Variants in JAKMIP1 observed in about 807,000 individuals in gnomAD.
The protein encoded by JAKMIP1 is janus kinase and microtubule-interacting protein 1.
A neutral mutation model predicts 113.0 loss-of-function variants in JAKMIP1; 33 were observed. The ratio of observed to expected loss-of-function variants is 0.29; its 90% CI spans 0.22 to 0.39. The LOEUF (loss-of-function observed/expected upper bound fraction) is 0.39. Among genes scored for constraint, JAKMIP1 ranks in the 10% least tolerant of loss-of-function variants. The pLI, the probability that JAKMIP1 is intolerant of heterozygous loss-of-function variation, is 1.00. For synonymous variants in JAKMIP1, 480 were observed against 459.9 expected (o/e 1.04, Z -0.56); for missense variants, 813 against 1,080.5 (o/e 0.75, Z 3.47).
intron 1 of JAKMIP1, among the ~76,000 whole-genome samples, chr4:6,126,031 C>A (rs1007926260): frequency 6.9e-6 from 1 of 144,908 alleles, no homozygotes; most frequent in Non-Finnish European, 1.5e-5. Flanking sequence ...ACACACCATG[C>A]AGAAACACAC....
At chr4:6,131,162 C>CAAAAAAAA (rs1269297167) in intron 1 of JAKMIP1, among the ~76,000 whole-genome samples, 2 of 18,100 alleles carry the variant, frequency 1.1e-4, no homozygotes, top group African/African-American at 4.6e-4. Flanking sequence ...ACCTTGCCTC[C>CAAAAAAAA]AAAAAAAAAA....
chr4:6,033,352 C>G (rs552733801), intron 19 of JAKMIP1, among the ~76,000 whole-genome samples: 1 of 152,226 alleles, frequency 6.6e-6, no homozygotes, highest in South Asian at 2.1e-4. Flanking sequence ...GCCAGAGCAC[C>G]TGGTTGTGTT....
Position 6,154,623 on chromosome 4 carries a change from A to G in JAKMIP1, c.-147-41626T>C, listed in dbSNP as rs1722011815. On this transcript the variant is annotated intron_variant, in intron 1 of 20. Transcript: ENST00000409021. The surrounding 1 kb of genome is among the most constrained non-coding windows in gnomAD (Gnocchi z 4.2). ...AGGCTTCCAAGAGCCCAACACGCACAGCCCACTGCACGCAGGGACTGTGCC... is the reference window on the plus strand; with the variant it reads ...AGGCTTCCAAGAGCCCAACACGCACGGCCCACTGCACGCAGGGACTGTGCC... 6.6e-6 allele frequency among the ~76,000 whole-genome samples: 1 copy of G among 151,962 alleles called. No individual in the cohort carries two copies. The highest frequency in any genetic ancestry group is 6.6e-5 in the Admixed American group (1 of 15,254).
At chr4:6,170,519 C>T (rs1223769276) in intron 1 of JAKMIP1, among the ~76,000 whole-genome samples, 1 of 150,086 alleles carries the variant, frequency 6.7e-6, no homozygotes, top group Non-Finnish European at 1.5e-5. Context: ...ACCACCATCA[C>T]CACCATTATC....
Position 6,064,797 on chromosome 4 carries a change from G to A in JAKMIP1, c.1431+83C>T, listed in dbSNP as rs140335462. 2.0e-4 allele frequency: 315 copies of A among 1,580,294 alleles called. No homozygotes were observed. In the African/African-American group the frequency reaches 3.4e-3, roughly 17 times the overall value. ...GGTTCAGAACTATAGGCAAGGGAGC[G>A]AAACTTGCAACTATCAAAAGCAGGA... On this transcript the variant is annotated intron_variant, in intron 9 of 20. Coordinates refer to ENST00000409021, the MANE Select transcript of JAKMIP1 (RefSeq NM_001099433.2). The surrounding 1 kb of genome is among the most constrained non-coding windows in gnomAD (Gnocchi z 4.3).
chr4:6,127,748 C>T (rs112297698), intron 1 of JAKMIP1, among the ~76,000 whole-genome samples: 7 of 152,354 alleles, frequency 4.6e-5, no homozygotes, highest in Admixed American at 1.3e-4. Context: ...CAGCCTCTCT[C>T]GAAAGTCCTT....
At chr4:6,133,477 T>C (rs984062478) in intron 1 of JAKMIP1, among the ~76,000 whole-genome samples, 1 of 152,212 alleles carries the variant, frequency 6.6e-6, no homozygotes, top group Admixed American at 6.5e-5. Context: ...ACAAGAGTTC[T>C]CAAAGAAATT....
At chr4:6,052,693 G>C (rs11938090) in intron 13 of JAKMIP1, among the ~76,000 whole-genome samples, 6,461 of 150,086 alleles carry the variant, frequency 0.043, 424 homozygotes, top group African/African-American at 0.14. Context: ...GTTTCTGGTG[G>C]TTCTGAAGGA....
intron 1 of JAKMIP1, among the ~76,000 whole-genome samples, chr4:6,191,330 T>A (rs1272925738): frequency 2.6e-5 from 4 of 152,066 alleles, no homozygotes; most frequent in African/African-American, 9.7e-5. Flanking sequence ...GTCCCCTGCA[T>A]GTCCCTCCTG....
chr4:6,196,609 G>A (rs1400623097), intron 1 of JAKMIP1, among the ~76,000 whole-genome samples: 3 of 152,088 alleles, frequency 2.0e-5, no homozygotes, highest in Admixed American at 1.3e-4. Flanking sequence ...CTCCCAGCAC[G>A]TTGGGAGGCC....
At chr4:6,107,288 G>A (rs1281097271) in intron 2 of JAKMIP1, among the ~76,000 whole-genome samples, 3 of 152,280 alleles carry the variant, frequency 2.0e-5, no homozygotes, top group South Asian at 4.2e-4. Flanking sequence ...GGTTAATGCC[G>A]ACAGCCATCT....
intron 8 of JAKMIP1, among the ~76,000 whole-genome samples, chr4:6,075,133 C>T (rs1719516928): frequency 6.6e-6 from 1 of 152,164 alleles, no homozygotes; most frequent in African/African-American, 2.4e-5. Flanking sequence ...CGTGCCACTG[C>T]ACTCCAGCCT....
In JAKMIP1 at chr4:6,137,859, G is replaced by A. The variant is rs151168429; in HGVS notation, c.-147-24862C>T. On this transcript the variant is annotated intron_variant, in intron 1 of 20. Transcript: ENST00000409021. This position sits in a 1 kb window ranked among gnomAD's most constrained non-coding sequence, Gnocchi z 4.5. Reference sequence around the variant, plus strand: ...CCTGGCAGACAAGGTGTGCTCTGGCGTTGGGGGTCCAACCATGGCCTTCTC... The same window carrying A: ...CCTGGCAGACAAGGTGTGCTCTGGCATTGGGGGTCCAACCATGGCCTTCTC... 1.7e-3 allele frequency among the ~76,000 whole-genome samples: 260 copies of A among 152,288 alleles called. 1 individual carries two copies. The highest frequency in any genetic ancestry group is 0.01 in the Middle Eastern group (3 of 290).
intron 2 of JAKMIP1, among the ~76,000 whole-genome samples, chr4:6,107,066 T>A (rs1714074880): frequency 6.6e-6 from 1 of 152,010 alleles, no homozygotes; most frequent in African/African-American, 2.4e-5. Context: ...AAGATCAACA[T>A]CTCCTTTCAC....
In JAKMIP1 at chr4:6,150,896, C is replaced by T. The variant is rs889166403; in HGVS notation, c.-147-37899G>A. Among the ~76,000 whole-genome samples the T allele has an allele frequency of 6.6e-6, 1 of 152,162 alleles. No homozygotes were observed. Among genetic ancestry groups the T allele is most frequent in the Non-Finnish European group, 1.5e-5 (1 of 68,028 alleles). Reference sequence around the variant, plus strand: ...CCAGTGCAACACCTGAAGCAGTCAGCGTTGAGTGTGCCCAGGTGACACACA... The same window carrying T: ...CCAGTGCAACACCTGAAGCAGTCAGTGTTGAGTGTGCCCAGGTGACACACA... On this transcript the variant is annotated intron_variant, in intron 1 of 20. Transcript: ENST00000409021. This position sits in a 1 kb window ranked among gnomAD's most constrained non-coding sequence, Gnocchi z 4.8.
intron 3 of JAKMIP1, among the ~76,000 whole-genome samples, chr4:6,102,496 AC>A: frequency 6.7e-6 from 1 of 149,312 alleles, no homozygotes; most frequent in East Asian, 2.1e-4. Context: ...CATTCAAGGC[AC>A]TGTCTTAGAA....
rs1725903692 is a variant in JAKMIP1, at chr4:6,180,566, T to C, written c.-148+19687A>G. Among the ~76,000 whole-genome samples, 1 of 152,172 alleles carries C rather than the reference T, an allele frequency of 6.6e-6. No individual in the cohort carries two copies. The highest frequency in any genetic ancestry group is 2.4e-5 in the African/African-American group (1 of 41,444). ...ACATGCACCAAGTAATAAGTCACCA[T>C]TTATATAGCTCTCACTGTGTAGCAG... On this transcript the variant is annotated intron_variant, in intron 1 of 20. Transcript: ENST00000409021. This position sits in a 1 kb window ranked among gnomAD's most constrained non-coding sequence, Gnocchi z 4.5.
chr4:6,102,505 G>A (rs1713213624), intron 3 of JAKMIP1, among the ~76,000 whole-genome samples: 1 of 152,074 alleles, frequency 6.6e-6, no homozygotes, highest in Non-Finnish European at 1.5e-5. Context: ...CACTGTCTTA[G>A]AAGCAGAAAC....
At chr4:6,109,661 A>G (rs1374506748) in intron 2 of JAKMIP1, among the ~76,000 whole-genome samples, 1 of 152,034 alleles carries the variant, frequency 6.6e-6, no homozygotes, top group African/African-American at 2.4e-5. Flanking sequence ...CAGCCCAGGC[A>G]TGGAGCATGC....
Sources: gnomAD v4.1 joint callset for allele counts (sites outside exome capture counted in the v4.1 genomes callset) on GRCh38, gnomAD v4.1.1 for gene constraint, Gnocchi (gnomAD v3.1) non-coding constraint, MANE v1.5 for transcripts, NCBI Gene and HGNC (gene_info 2026-07-23, HGNC 2026-07-21) for gene names.